The following EXOC2 variants were observed in gnomAD, a reference collection of about 807,000 sequenced individuals.
The protein encoded by EXOC2 is SEC5-like 1.
Under a neutral mutation model 131.8 loss-of-function variants are expected in EXOC2, and 70 were observed. The observed-to-expected ratio is 0.53, with a 90% CI of 0.44 to 0.65. The LOEUF (loss-of-function observed/expected upper bound fraction) is 0.65, where lower values mean the gene tolerates loss of function less well. Among genes scored for constraint, EXOC2 ranks in the 30% least tolerant of loss-of-function variants. The probability of loss-of-function intolerance (pLI) is 0.00; values close to 1 mark genes in which losing one functional copy is unlikely to be tolerated. For missense variants in EXOC2, 923 were observed against 1,108.6 expected (o/e 0.83, Z 2.38); for synonymous variants, 411 against 398.4 (o/e 1.03, Z -0.38).
At chr6:636,040 C>G (rs949531742) in intron 2 of EXOC2, among the ~76,000 whole-genome samples, 1 of 152,186 alleles carries the variant, frequency 6.6e-6, no homozygotes, top group African/African-American at 2.4e-5. Flanking sequence ...TCTAGCCTGG[C>G]AACAGAGCGA....
chr6:558,799 G>A (rs896690792), intron 17 of EXOC2, among the ~76,000 whole-genome samples: 1 of 151,844 alleles, frequency 6.6e-6, no homozygotes, highest in Non-Finnish European at 1.5e-5. Context: ...GGTGACAGGC[G>A]AGACTCCGGC....
intron 1 of EXOC2, among the ~76,000 whole-genome samples, chr6:647,125 G>A (rs571890629): frequency 6.6e-6 from 1 of 152,254 alleles, no homozygotes; most frequent in South Asian, 2.1e-4. Flanking sequence ...TTATTTTCTT[G>A]ACACTATTAA....
At chr6:690,507 C>T (rs1017883520) in intron 1 of EXOC2, among the ~76,000 whole-genome samples, 7 of 152,022 alleles carry the variant, frequency 4.6e-5, no homozygotes, top group East Asian at 1.9e-4. Context: ...TCCACCGTCA[C>T]GAGGATCGCG....
At chr6:520,826 C>T (rs1179231179) in intron 23 of EXOC2, among the ~76,000 whole-genome samples, 42 of 139,316 alleles carry the variant, frequency 3.0e-4, no homozygotes, top group Non-Finnish European at 5.2e-4. Context: ...AAACCACCAC[C>T]TATTGAGTGC....
chr6:647,605 T>A (rs1247644927), intron 1 of EXOC2, among the ~76,000 whole-genome samples: 1 of 121,268 alleles, frequency 8.2e-6, no homozygotes, highest in Non-Finnish European at 1.7e-5. Context: ...CATTTGTGAA[T>A]GTGACCGCTC....
chr6:634,865 G>C (rs2127711475), intron 2 of EXOC2, among the ~76,000 whole-genome samples: 1 of 152,042 alleles, frequency 6.6e-6, no homozygotes, highest in Middle Eastern at 3.4e-3. Flanking sequence ...AATAACTTAA[G>C]AGATTGAAAG....
At chr6:604,053 C>T (rs1167025145) in intron 7 of EXOC2, among the ~76,000 whole-genome samples, 7 of 152,174 alleles carry the variant, frequency 4.6e-5, no homozygotes, top group Non-Finnish European at 8.8e-5. Context: ...TTTTTACCCC[C>T]GTTTTATGTT....
At chr6:514,547 C>T (rs766959727) in intron 23 of EXOC2, among the ~76,000 whole-genome samples, 7 of 152,310 alleles carry the variant, frequency 4.6e-5, no homozygotes, top group African/African-American at 7.2e-5. Flanking sequence ...TAAATCCATG[C>T]GCTGCTCCCA....
chr6:548,494 G>A (rs1349962430), intron 22 of EXOC2, among the ~76,000 whole-genome samples: 1 of 151,910 alleles, frequency 6.6e-6, no homozygotes, highest in East Asian at 1.9e-4. Context: ...TTCCTTTTCT[G>A]CTTAGTTGAA....
intron 1 of EXOC2, among the ~76,000 whole-genome samples, chr6:692,759 C>T (rs1310216098): frequency 6.6e-6 from 1 of 152,032 alleles, no homozygotes; most frequent in African/African-American, 2.4e-5. Flanking sequence ...CGCCCCTCAC[C>T]GGCGCAGGTG....
chr6:563,981 C>CA (rs1757831245), intron 16 of EXOC2, 52 bp downstream of exon 16: 1 of 1,591,694 alleles, frequency 6.3e-7, no homozygotes, highest in Admixed American at 1.8e-5. Context: ...AAGGAGGTGG[C>CA]ACATTCAGAT....
intron 12 of EXOC2, among the ~76,000 whole-genome samples, chr6:574,236 G>A (rs1469723648): frequency 2.0e-5 from 3 of 152,120 alleles, no homozygotes; most frequent in Non-Finnish European, 2.9e-5. Flanking sequence ...CATAGAAAAC[G>A]TCCAGAACAA....
chr6:512,512 T>C (rs1220131662), intron 23 of EXOC2, among the ~76,000 whole-genome samples: 3 of 152,250 alleles, frequency 2.0e-5, no homozygotes, highest in African/African-American at 7.2e-5. Flanking sequence ...AGACTGTTTA[T>C]GTTATTAATA....
At chr6:605,860 C>T (rs1487599465) in intron 7 of EXOC2, among the ~76,000 whole-genome samples, 7 of 152,216 alleles carry the variant, frequency 4.6e-5, no homozygotes, top group Non-Finnish European at 1.0e-4. Context: ...TTTCCCTCTA[C>T]ACACTGCTTT....
At chr6:615,674 C>T (rs1198458109) in intron 6 of EXOC2, among the ~76,000 whole-genome samples, 3 of 148,748 alleles carry the variant, frequency 2.0e-5, no homozygotes, top group Non-Finnish European at 3.0e-5. Context: ...AAGCTGAAAT[C>T]GCACCACCGC....
intron 22 of EXOC2, among the ~76,000 whole-genome samples, chr6:547,762 G>A (rs1756941936): frequency 6.6e-6 from 1 of 152,130 alleles, no homozygotes; most frequent in South Asian, 2.1e-4. Flanking sequence ...TTCTGAGTGG[G>A]AAAGAGCCTA....
At chr6:615,177 G>GTA (rs1760921376) in intron 6 of EXOC2, among the ~76,000 whole-genome samples, 1 of 74,644 alleles carries the variant, frequency 1.3e-5, no homozygotes, top group African/African-American at 8.2e-5. Flanking sequence ...GTATATGTGG[G>GTA]TGTGGGTGTG....
intron 13 of EXOC2, among the ~76,000 whole-genome samples, chr6:566,450 G>A (rs547088777): frequency 1.3e-5 from 2 of 152,318 alleles, no homozygotes; most frequent in African/African-American, 4.8e-5. Flanking sequence ...TACTGCCCTG[G>A]TGCTGCAGTG....
chr6:635,134 T>A (rs558257296), intron 2 of EXOC2, among the ~76,000 whole-genome samples: 2 of 152,188 alleles, frequency 1.3e-5, no homozygotes, highest in African/African-American at 4.8e-5. Context: ...AACCCAACAA[T>A]TAACGTCAGG....
Sources: gnomAD v4.1 joint callset for allele counts (sites outside exome capture counted in the v4.1 genomes callset) on GRCh38, gnomAD v4.1.1 for gene constraint, MANE v1.5 for transcripts, NCBI Gene and HGNC (gene_info 2026-07-23, HGNC 2026-07-21) for gene names.